Variants in PARN observed in about 807,000 individuals in gnomAD.
PARN encodes poly(A)-specific ribonuclease.
Under a neutral mutation model 102.8 loss-of-function variants are expected in PARN, and 71 were observed. The observed-to-expected ratio is 0.69, with a 90% CI of 0.57 to 0.84. PARN has a LOEUF of 0.84. PARN is among the 40% of genes least tolerant of loss of function. The pLI is 0.00. For missense variants in PARN, 782 were observed against 760.9 expected, an observed-to-expected ratio of 1.03 and a Z score of -0.33; for synonymous variants, 261 against 252.9, an observed-to-expected ratio of 1.03 and a Z score of -0.30.
intron 6 of PARN, among the ~76,000 whole-genome samples, chr16:14,617,075 TTA>T (rs1567456943): frequency 6.0e-4 from 89 of 148,830 alleles, no homozygotes; most frequent in African/African-American, 2.1e-3. Flanking sequence ...TTGTTTTTTT[TTA>T]AAAAAAAAAA....
chr16:14,567,995 T>C (rs1968529922), intron 18 of PARN, among the ~76,000 whole-genome samples: 1 of 152,158 alleles, frequency 6.6e-6, no homozygotes, highest in Non-Finnish European at 1.5e-5. Context: ...GCATCACGTA[T>C]GTGGGCCACT....
intron 18 of PARN, among the ~76,000 whole-genome samples, chr16:14,571,029 G>A (rs1452342975): frequency 6.6e-6 from 1 of 151,872 alleles, no homozygotes; most frequent in East Asian, 1.9e-4. Flanking sequence ...TTTAAAAAAG[G>A]AAAGAAACAG....
chr16:14,446,469 A>C (rs112882128), intron 23 of PARN, among the ~76,000 whole-genome samples: 1,669 of 152,308 alleles, frequency 0.011, 11 homozygotes, highest in Middle Eastern at 0.058. Context: ...TTCTTATATA[A>C]TTCTGCTTCG....
intron 21 of PARN, chr16:14,501,459 A>AC (rs1374131211): frequency 2.8e-5 from 4 of 143,778 alleles, no homozygotes; most frequent in African/African-American, 1.0e-4. Flanking sequence ...AAAAAAAAAA[A>AC]ACAGAAAGAA....
intron 18 of PARN, among the ~76,000 whole-genome samples, chr16:14,563,411 T>G (rs560969396): frequency 3.9e-5 from 6 of 152,066 alleles, no homozygotes; most frequent in Admixed American, 6.6e-5. Flanking sequence ...CAGATCTGGC[T>G]GGCAGGCCAC....
intron 21 of PARN, among the ~76,000 whole-genome samples, chr16:14,490,796 A>G (rs1964016394): frequency 6.6e-6 from 1 of 152,154 alleles, no homozygotes; most frequent in South Asian, 2.1e-4. Context: ...AAGTTTTTTC[A>G]TATTCCATAA....
At chr16:14,497,374 A>G (rs1162870371) in intron 21 of PARN, among the ~76,000 whole-genome samples, 1 of 152,208 alleles carries the variant, frequency 6.6e-6, no homozygotes, top group Non-Finnish European at 1.5e-5. Context: ...GTGTAACTGA[A>G]GCACTGGCTG....
chr16:14,543,920 C>T (rs1966856706), intron 21 of PARN, among the ~76,000 whole-genome samples: 1 of 152,188 alleles, frequency 6.6e-6, no homozygotes, highest in South Asian at 2.1e-4. Context: ...CCCGGCTGGG[C>T]ACGGTGGCTC....
chr16:14,507,454 T>G (rs932357454), intron 21 of PARN, among the ~76,000 whole-genome samples: 1 of 152,138 alleles, frequency 6.6e-6, no homozygotes, highest in Admixed American at 6.5e-5. Flanking sequence ...CCCAGCATTT[T>G]GGGAGGCCAA....
At chr16:14,458,935 G>A (rs190474383) in intron 22 of PARN, among the ~76,000 whole-genome samples, 1 of 152,136 alleles carries the variant, frequency 6.6e-6, no homozygotes, top group South Asian at 2.1e-4. Flanking sequence ...CCCACATACC[G>A]AGGAGTGAGG....
chr16:14,586,438 T>C, intron 13 of PARN, 77 bp from the exon 14 acceptor site: 2 of 831,164 alleles, frequency 2.4e-6, no homozygotes. Context: ...ACAGCTCAAG[T>C]TCCATAGCTG....
intron 21 of PARN, among the ~76,000 whole-genome samples, chr16:14,483,817 G>A (rs1038398838): frequency 3.9e-5 from 6 of 152,120 alleles, no homozygotes; most frequent in Non-Finnish European, 8.8e-5. Context: ...CCTATAACTG[G>A]AATTACACTA....
At chr16:14,581,122 G>A (rs143051440) in intron 17 of PARN, among the ~76,000 whole-genome samples, 179 bp from the exon 18 acceptor site, 330 of 152,046 alleles carry the variant, frequency 2.2e-3, no homozygotes, top group African/African-American at 7.6e-3. Flanking sequence ...GCGCAATCTC[G>A]GTTCACTGAA....
At chr16:14,462,298 A>G (rs1293043496) in intron 22 of PARN, among the ~76,000 whole-genome samples, 2 of 152,182 alleles carry the variant, frequency 1.3e-5, no homozygotes, top group Non-Finnish European at 2.9e-5. Flanking sequence ...TTGAAGGGGG[A>G]AAGTCAGAGA....
At chr16:14,470,502 G>A (rs941728306) in intron 22 of PARN, among the ~76,000 whole-genome samples, 4 of 150,474 alleles carry the variant, frequency 2.7e-5, no homozygotes, top group Non-Finnish European at 4.4e-5. Flanking sequence ...AGTCACCCTC[G>A]GCCAGAGTGC....
chr16:14,590,279 A>G (rs985820150), intron 13 of PARN, among the ~76,000 whole-genome samples: 1 of 151,118 alleles, frequency 6.6e-6, no homozygotes, highest in East Asian at 1.9e-4. Flanking sequence ...GAAGAGAAAA[A>G]AAAAAAAAAA....
intron 21 of PARN, among the ~76,000 whole-genome samples, chr16:14,497,278 C>G (rs1475555790): frequency 6.6e-6 from 1 of 152,114 alleles, no homozygotes; most frequent in Non-Finnish European, 1.5e-5. Flanking sequence ...CCATTCAAAA[C>G]AGCATTTCTA....
In PARN at chr16:14,435,895, TTCACACAC is replaced by T. The variant is rs1408996865; in HGVS notation, c.*814_*821del. The stretch of plus-strand genomic sequence containing the variant: ...GGGACATGTTGTAGATTTGCACGAT[TTCACACAC>T]ACACACACACACACACACACACACA... On this transcript the variant is annotated 3_prime_UTR_variant, in exon 24 of 24. Transcript: ENST00000437198. 4.6e-5 allele frequency: 5 copies of T among 108,070 alleles called. No homozygotes were observed. Among genetic ancestry groups the T allele is most frequent in the Non-Finnish European group, 7.5e-5 (4 of 53,196 alleles). The allele number at this position is 108,070 out of a possible 1,614,324, so 6.7% of individuals were successfully genotyped here. A position where few individuals can be genotyped will look rare whatever the true frequency, so the allele number is the denominator to read the frequency against.
At chr16:14,549,362 A>T (rs1967154552) in intron 21 of PARN, among the ~76,000 whole-genome samples, 1 of 152,162 alleles carries the variant, frequency 6.6e-6, no homozygotes, top group Admixed American at 6.5e-5. Context: ...CTCATGCTGC[A>T]GTGTGTGTCA....
Sources: allele counts gnomAD v4.1 joint callset (sites outside exome capture counted in the v4.1 genomes callset), GRCh38; gene constraint gnomAD v4.1.1; transcripts MANE v1.5; gene names NCBI Gene and HGNC (gene_info 2026-07-23, HGNC 2026-07-21).